The following SEPTIN7 variants were observed in gnomAD, a reference collection of about 807,000 sequenced individuals.
SEPTIN7 encodes septin 7, also known as septin-7.
SEPTIN7 carries 10 observed loss-of-function variants against 63.3 expected under a neutral mutation model. The ratio of observed to expected loss-of-function variants is 0.16; its 90% confidence interval spans 0.10 to 0.27. The LOEUF is 0.27. SEPTIN7 is among the 10% of genes least tolerant of loss of function. The probability of loss-of-function intolerance (pLI) is 1.00; values close to 1 mark genes in which losing one functional copy is unlikely to be tolerated. For synonymous variants in SEPTIN7, 131 were observed against 165.3 expected (o/e 0.79, Z 1.59); for missense variants, 310 against 521.0 (o/e 0.59, Z 3.94).
chr7:35,881,614 A>G (rs911463601), intron 7 of SEPTIN7, among the ~76,000 whole-genome samples: 4 of 151,722 alleles, frequency 2.6e-5, no homozygotes, highest in Non-Finnish European at 5.9e-5. Flanking sequence ...TAACCATGTA[A>G]CACAATTTGT....
intron 6 of SEPTIN7, among the ~76,000 whole-genome samples, chr7:35,877,188 A>G (rs1786522616): frequency 6.6e-6 from 1 of 152,006 alleles, no homozygotes; most frequent in Non-Finnish European, 1.5e-5. Flanking sequence ...GATAATATAA[A>G]CAGGGTTATT....
intron 1 of SEPTIN7, among the ~76,000 whole-genome samples, chr7:35,817,610 C>T (rs1367409553): frequency 6.6e-6 from 1 of 152,056 alleles, no homozygotes; most frequent in African/African-American, 2.4e-5. Context: ...TGGTGTTGAA[C>T]TTGTATATCA....
intron 1 of SEPTIN7, among the ~76,000 whole-genome samples, chr7:35,808,905 A>G (rs1196916238): frequency 6.6e-6 from 1 of 152,160 alleles, no homozygotes; most frequent in Non-Finnish European, 1.5e-5. Flanking sequence ...GTCACTTGGG[A>G]TATTGATCTC....
rs1220419717 is a variant in SEPTIN7, at chr7:35,893,161, T to C, written c.998+2368T>C. Among the ~76,000 whole-genome samples the C allele has an allele frequency of 2.6e-5, 4 of 152,148 alleles. No individual in the cohort carries two copies. The East Asian group carries it at 7.7e-4, about 29-fold the overall frequency. On this transcript the variant is annotated intron_variant, in intron 11 of 13. Coordinates refer to ENST00000350320, the MANE Select transcript of SEPTIN7 (RefSeq NM_001788.6). ...ATGAATAACTGAAAAGAAAGACTAA[T>C]GTTTAAATAAGTGAAGTAGGTGTGA... is the stretch of plus-strand genomic sequence containing the variant.
In SEPTIN7 at chr7:35,834,946, T is replaced by C. The variant is rs571427615; in HGVS notation, c.169+2046T>C. Among the ~76,000 whole-genome samples the C allele has an allele frequency of 3.3e-5, 5 of 152,298 alleles. No homozygotes were observed. The East Asian group carries it at 9.6e-4, about 29-fold the overall frequency. On this transcript the variant is annotated intron_variant, in intron 3 of 13. Coordinates refer to ENST00000350320, the MANE Select transcript of SEPTIN7 (RefSeq NM_001788.6). ...TTCATTTACAACTTACACATTGATATCAACTGAGAATCTGTAACAGATTTT... is the reference window on the plus strand; with the variant it reads ...TTCATTTACAACTTACACATTGATACCAACTGAGAATCTGTAACAGATTTT...
At chr7:35,911,085 C>T (rs1209364544), downstream of SEPTIN7, among the ~76,000 whole-genome samples, 4 of 152,138 alleles carry the variant, frequency 2.6e-5, no homozygotes, top group African/African-American at 7.2e-5. Flanking sequence ...CCAACTGTCA[C>T]GAGCAACACC....
chr7:35,898,877 T>G (rs1371213429), intron 12 of SEPTIN7: 1 of 152,396 alleles, frequency 6.6e-6, no homozygotes, highest in African/African-American at 2.4e-5. Flanking sequence ...TTAGGGAATG[T>G]GATATTTTTG....
At chr7:35,812,897 C>T (rs1253580092) in intron 1 of SEPTIN7, among the ~76,000 whole-genome samples, 3 of 152,130 alleles carry the variant, frequency 2.0e-5, no homozygotes, top group Non-Finnish European at 4.4e-5. Flanking sequence ...GCTCTATCGG[C>T]AAGATTCTAA....
At chr7:35,895,299 A>G (rs192119236) in intron 11 of SEPTIN7, among the ~76,000 whole-genome samples, 204 of 152,314 alleles carry the variant, frequency 1.3e-3, no homozygotes, top group Middle Eastern at 3.4e-3. Context: ...AATAAAGATG[A>G]CTAGAAGTGA....
In SEPTIN7 at chr7:35,883,990, A is replaced by G. The variant is rs747891000; in HGVS notation, c.820+3A>G. On this transcript the variant is annotated splice_donor_region_variant and intron_variant, in intron 9 of 13. Transcript: ENST00000350320. ...GTATCCTTGGGGTGTTGCTGAAGGTAAGATTTTCTTCAGTGAATGACTTTC... is the reference window on the plus strand; with the variant it reads ...GTATCCTTGGGGTGTTGCTGAAGGTGAGATTTTCTTCAGTGAATGACTTTC... 1 of 1,584,098 alleles carries G rather than the reference A, an allele frequency of 6.3e-7. No individual in the cohort carries two copies. The highest frequency in any genetic ancestry group is 8.7e-7 in the Non-Finnish European group (1 of 1,153,606).
chr7:35,911,578 G>C (rs181358339), downstream of SEPTIN7, among the ~76,000 whole-genome samples: 62 of 152,324 alleles, frequency 4.1e-4, no homozygotes, highest in African/African-American at 1.4e-3. Flanking sequence ...CTCTCAGTCC[G>C]TGTGCCACGG....
At chr7:35,885,606 A>C (rs190705577) in intron 9 of SEPTIN7, among the ~76,000 whole-genome samples, 1 of 152,300 alleles carries the variant, frequency 6.6e-6, no homozygotes, top group Non-Finnish European at 1.5e-5. Context: ...TTAGGTTTAC[A>C]TATCTATTTC....
At chr7:35,900,059 C>T (rs569213706) in intron 12 of SEPTIN7, 9 of 152,200 alleles carry the variant, frequency 5.9e-5, no homozygotes, top group Non-Finnish European at 1.2e-4. Context: ...GATCTCATTG[C>T]TTTTGTAATT....
intron 3 of SEPTIN7, among the ~76,000 whole-genome samples, chr7:35,861,701 A>G (rs2116139295): frequency 6.6e-6 from 1 of 152,270 alleles, no homozygotes; most frequent in South Asian, 2.1e-4. Flanking sequence ...AATGGTGCCC[A>G]TTGCTTCTCT....
intron 3 of SEPTIN7, among the ~76,000 whole-genome samples, chr7:35,858,670 GTTTTCT>G (rs1785338300): frequency 6.9e-6 from 1 of 144,708 alleles, no homozygotes; most frequent in Non-Finnish European, 1.5e-5. Context: ...TATTCTTTTG[GTTTTCT>G]TTTTCTTTTT....
chr7:35,827,316 A>G (rs1195681437), intron 1 of SEPTIN7, among the ~76,000 whole-genome samples: 3 of 111,302 alleles, frequency 2.7e-5, no homozygotes, highest in Admixed American at 2.3e-4. Context: ...ACATCTATAA[A>G]TAATGTTCCT....
In SEPTIN7 at chr7:35,873,771, C is replaced by T. The variant is rs1236697143; in HGVS notation, c.508C>T (p.His170Tyr). The T allele has an allele frequency of 6.2e-7, 1 of 1,609,906 alleles. No homozygotes were observed. Among genetic ancestry groups the T allele is most frequent in the East Asian group, 2.2e-5 (1 of 44,844 alleles). ...CCLYFIAPSG[H>Y]GLKPLDIEFM... ...TTTATACTTCATTGCTCCTTCAGGACATGGGTCAGTACCTTGATACTTCTG... is the reference window on the plus strand; with the variant it reads ...TTTATACTTCATTGCTCCTTCAGGATATGGGTCAGTACCTTGATACTTCTG... Residue 170 changes from histidine (H) to tyrosine (Y), a missense_variant, in exon 6 of 14, where the codon CAT becomes TAT. Around this residue, in one of 2 missense-constraint regions of SEPTIN7, gnomAD observed 255 missense variants for 490.5 expected, o/e 0.52. Transcript: ENST00000350320.
intron 12 of SEPTIN7, chr7:35,902,174 TTGGCATAGAAGGA>T (rs1788361672): frequency 6.6e-6 from 1 of 151,790 alleles, no homozygotes; most frequent in South Asian, 2.1e-4. Context: ...CCTTGGGTAT[TTGGCATAGAAGGA>T]TTTAATCTGA....
chr7:35,840,909 T>C (rs1198456939), intron 3 of SEPTIN7, among the ~76,000 whole-genome samples: 1 of 152,252 alleles, frequency 6.6e-6, no homozygotes, highest in Non-Finnish European at 1.5e-5. Flanking sequence ...AATCATTTAC[T>C]AATTCTTGAG....
Sources: gnomAD v4.1 joint callset for allele counts (sites outside exome capture counted in the v4.1 genomes callset) on GRCh38, gnomAD v4.1.1 for gene constraint, gnomAD v4.1.1 regional missense constraint, MANE v1.5 for transcripts, NCBI Gene and HGNC (gene_info 2026-07-23, HGNC 2026-07-21) for gene names.